Variants in HENMT1 observed in about 807,000 individuals in gnomAD.
HENMT1 encodes small RNA 2'-O-methyltransferase.
In HENMT1, 27 loss-of-function variants were observed where a neutral mutation model predicts 31.1. That is an observed-to-expected ratio of 0.87 (90% confidence interval 0.64 to 1.20). The LOEUF is 1.20. Ranked by LOEUF, HENMT1 falls within the 50% of genes most tolerant of loss-of-function variation. The probability of loss-of-function intolerance (pLI) is 0.00; values close to 1 mark genes in which losing one functional copy is unlikely to be tolerated. For missense variants in HENMT1, 438 were observed against 469.6 expected, an observed-to-expected ratio of 0.93 and a Z score of 0.62; for synonymous variants, 167 against 172.2, an observed-to-expected ratio of 0.97 and a Z score of 0.24.
intron 2 of HENMT1, 56 bp from the exon 3 acceptor site, chr1:108,657,635 T>C: frequency 6.6e-7 from 1 of 1,525,774 alleles, no homozygotes; most frequent in Non-Finnish European, 8.8e-7. Context: ...CTTCAGAAAT[T>C]AAATAAGGGG....
intron 5 of HENMT1, among the ~76,000 whole-genome samples, chr1:108,653,032 C>CCTTTTTT (rs1553183320): frequency 7.0e-6 from 1 of 143,056 alleles, no homozygotes; most frequent in African/African-American, 2.6e-5. Flanking sequence ...ATATACATCC[C>CCTTTTTT]TTTTTTTTTT....
intron 6 of HENMT1, 123 bp downstream of exon 6, chr1:108,650,907 G>A (rs1438397573): frequency 2.9e-6 from 2 of 693,620 alleles, no homozygotes; most frequent in Non-Finnish European, 4.8e-6. Flanking sequence ...GTCACACATT[G>A]GAATCAATTT....
Position 108,648,407 on chromosome 1 carries a change from TG to T in HENMT1, c.*158del. The T allele has an allele frequency of 1.6e-6, 1 of 635,550 alleles. No individual in the cohort carries two copies. Among genetic ancestry groups the T allele is most frequent in the Non-Finnish European group, 2.7e-6 (1 of 371,486 alleles). The allele number at this position is 635,550 out of a possible 1,614,324, so 39.4% of individuals were successfully genotyped here. On this transcript the variant is annotated 3_prime_UTR_variant, in exon 8 of 8. Transcript: ENST00000651461. ...ATCTTTCTCAGGGCTCACTGCAGTC[TG>T]GCCATATCTCAAGCAGGTCTGTCCA...
chr1:108,649,379 T>C (rs575892929), intron 7 of HENMT1: 32 of 458,760 alleles, frequency 7.0e-5, no homozygotes, highest in East Asian at 4.1e-4. Flanking sequence ...GGCAGGAGGA[T>C]TGCTTGAGGA....
Position 108,661,068 on chromosome 1 carries a change from C to T in HENMT1, c.-184G>A. ...AGCTCGTCGCGGAGCCGCCAGCGTCCTCAACTCAGCGCCGCCCTGACGCCC... is the reference window on the plus strand; with the variant it reads ...AGCTCGTCGCGGAGCCGCCAGCGTCTTCAACTCAGCGCCGCCCTGACGCCC... On this transcript the variant is annotated 5_prime_UTR_variant, in exon 1 of 8. Coordinates refer to ENST00000651461, the MANE Select transcript of HENMT1 (RefSeq NM_001102592.2). 1.1e-6 allele frequency: 1 copy of T among 906,542 alleles called. No homozygotes were observed. Among genetic ancestry groups the T allele is most frequent in the East Asian group, 1.2e-4 (1 of 8,428 alleles). The allele number at this position is 906,542 out of a possible 1,614,324, so 56.2% of individuals were successfully genotyped here.
chr1:108,660,899 G>C (rs2101005366), intron 1 of HENMT1, 64 bp downstream of exon 1: 4 of 800,140 alleles, frequency 5.0e-6, no homozygotes, highest in Admixed American at 6.3e-5. Flanking sequence ...ACTCCAGCCT[G>C]GGCGACAGAG....
intron 2 of HENMT1, among the ~76,000 whole-genome samples, chr1:108,658,014 TGTACACACACTTACACACACACAC>T (rs1658304118): frequency 6.7e-6 from 1 of 148,458 alleles, no homozygotes; most frequent in Non-Finnish European, 1.5e-5. Context: ...CACACATATA[TGTACACACACTTACACACACACAC>T]ATATATATAC....
At chr1:108,650,825 G>A (rs1658030925) in intron 6 of HENMT1, among the ~76,000 whole-genome samples, 1 of 152,136 alleles carries the variant, frequency 6.6e-6, no homozygotes, top group African/African-American at 2.4e-5. Context: ...CATAAAAGGT[G>A]CCCAGTAACC....
chr1:108,656,472 G>A (rs576184431), intron 3 of HENMT1, among the ~76,000 whole-genome samples: 59 of 152,254 alleles, frequency 3.9e-4, no homozygotes, highest in African/African-American at 1.3e-3. Context: ...GAAGTTAACC[G>A]AGTAGGTTCA....
intron 5 of HENMT1, among the ~76,000 whole-genome samples, chr1:108,652,147 G>A (rs1224382158): frequency 2.0e-5 from 3 of 152,184 alleles, no homozygotes; most frequent in Non-Finnish European, 4.4e-5. Flanking sequence ...GTGATCTTGG[G>A]CCATTTTAAA....
In HENMT1 at chr1:108,650,042, C is replaced by T. The variant is rs767775087; in HGVS notation, c.756+169G>A. 21 of 711,422 alleles carry T rather than the reference C, an allele frequency of 3.0e-5. No individual in the cohort carries two copies. The East Asian group carries it at 3.8e-4, about 13-fold the overall frequency. 44.1% of individuals were successfully genotyped at this position (711,422 alleles called of 1,614,324 possible). A position where few individuals can be genotyped will look rare whatever the true frequency, so the allele number is the denominator to read the frequency against. ...AAGGCCAGGCAGTCTCAAAGGACAC[C>T]GTAGGCTAACTCGGACAGTAGTCAT... On this transcript the variant is annotated intron_variant, in intron 7 of 7. Transcript: ENST00000651461.
At chr1:108,650,138 T>C (rs965509490) in intron 7 of HENMT1, 73 bp downstream of exon 7, 21 of 1,358,952 alleles carry the variant, frequency 1.5e-5, no homozygotes, top group Non-Finnish European at 2.1e-5. Context: ...CTTTGGGGAT[T>C]CTTACTCCCC....
chr1:108,656,536 A>G (rs1658249411), intron 3 of HENMT1, among the ~76,000 whole-genome samples: 1 of 152,126 alleles, frequency 6.6e-6, no homozygotes, highest in African/African-American at 2.4e-5. Context: ...CCCAGGCTGG[A>G]ATGCAGGTGA....
In HENMT1 at chr1:108,648,822, G is replaced by A; in HGVS notation, c.926C>T (p.Ala309Val). The change falls in exon 8 of 8, where the codon GCC (alanine) becomes GTC (valine). Residue 309 changes from alanine (A) to valine (V), a missense_variant. Transcript: ENST00000651461. ...DKPKDIGGSK[A>V]PVPCFGPVFT... ...GACTGGTCCAAAGCATGGGACAGGG[G>A]CCTTTGAGCCACCAATGTCTTTGGG... 6.2e-7 allele frequency: 1 copy of A among 1,614,190 alleles called. No individual in the cohort carries two copies. Among genetic ancestry groups the A allele is most frequent in the South Asian group, 1.1e-5 (1 of 91,084 alleles).
chr1:108,653,391 G>A (rs1658117763), intron 5 of HENMT1, among the ~76,000 whole-genome samples: 1 of 152,146 alleles, frequency 6.6e-6, no homozygotes, highest in Non-Finnish European at 1.5e-5. Flanking sequence ...CTACTGTGCT[G>A]TTAATAAACA....
At chr1:108,651,251 A>G in intron 5 of HENMT1, 42 bp from the exon 6 acceptor site, 2 of 1,493,002 alleles carry the variant, frequency 1.3e-6, no homozygotes, top group Non-Finnish European at 1.8e-6. Context: ...ATCTAGCTTC[A>G]CTTGCACCTA....
In HENMT1 at chr1:108,655,696, A is replaced by G. The variant is rs560761923; in HGVS notation, c.153T>C (p.Val51=). The change falls in exon 4 of 8, where the codon GTT becomes GTC. Residue 51 remains valine (V), a splice_region_variant and synonymous_variant. Transcript: ENST00000651461. Reference sequence around the variant, plus strand: ...AAGTATCACCACATCCCAGGTCTGCAACCTGTAGATGAGACAGAATGTTAT... The same window carrying G: ...AAGTATCACCACATCCCAGGTCTGCGACCTGTAGATGAGACAGAATGTTAT... ...NLVDQHEPKK[V]ADLGCGDTSL... 23 of 1,595,742 alleles carry G rather than the reference A, an allele frequency of 1.4e-5. No homozygotes were observed. The African/African-American group carries it at 1.6e-4, about 11-fold the overall frequency.
At chr1:108,660,934 A>AG (rs1658445483) in intron 1 of HENMT1, 29 bp downstream of exon 1, 2 of 969,080 alleles carry the variant, frequency 2.1e-6, no homozygotes, top group African/African-American at 3.5e-5. Flanking sequence ...AAAAAAAAAA[A>AG]AAGAAAAAGA....
chr1:108,659,845 C>T lies in HENMT1; in HGVS notation c.21+19G>A. 2 of 1,457,022 alleles carry T rather than the reference C, an allele frequency of 1.4e-6. No homozygotes were observed. Among genetic ancestry groups the T allele is most frequent in the South Asian group, 1.2e-5 (1 of 84,628 alleles). 90.3% of individuals were successfully genotyped at this position (1,457,022 alleles called of 1,614,324 possible). Reference sequence around the variant, plus strand: ...TAATTCTTAAGAGTCAAAGACGCAGCTAAGAAGGGTGGCATTACCTGTAGA... The same window carrying T: ...TAATTCTTAAGAGTCAAAGACGCAGTTAAGAAGGGTGGCATTACCTGTAGA... On this transcript the variant is annotated intron_variant, in intron 2 of 7. Coordinates refer to ENST00000651461, the MANE Select transcript of HENMT1 (RefSeq NM_001102592.2).
Sources: gnomAD v4.1 joint callset for allele counts (sites outside exome capture counted in the v4.1 genomes callset) on GRCh38, gnomAD v4.1.1 for gene constraint, MANE v1.5 for transcripts, NCBI Gene and HGNC (gene_info 2026-07-23, HGNC 2026-07-21) for gene names.